ERGIC1: variants seen among roughly 807,000 people sequenced by gnomAD.
ERGIC1 encodes endoplasmic reticulum-Golgi intermediate compartment protein 1.
In ERGIC1, 19 loss-of-function variants were observed where a neutral mutation model predicts 38.3. That is an observed-to-expected ratio of 0.50 (90% CI 0.35 to 0.73). The LOEUF (loss-of-function observed/expected upper bound fraction) is 0.73. Among genes scored for constraint, ERGIC1 ranks in the 30% least tolerant of loss-of-function variants. The pLI is 0.01. For missense variants in ERGIC1, 294 were observed against 389.2 expected (o/e 0.76, Z 2.06); for synonymous variants, 124 against 157.6 (o/e 0.79, Z 1.60).
chr5:172,840,853 T>G (rs1761141386), intron 1 of ERGIC1, among the ~76,000 whole-genome samples: 1 of 152,244 alleles, frequency 6.6e-6, no homozygotes, highest in African/African-American at 2.4e-5. Context: ...GATTCATGTA[T>G]TCATTAAAAT....
intron 1 of ERGIC1, among the ~76,000 whole-genome samples, chr5:172,842,442 C>A (rs559147956): frequency 6.6e-6 from 1 of 152,150 alleles, no homozygotes; most frequent in Non-Finnish European, 1.5e-5. Context: ...TAGGTTGTTT[C>A]CACATCTTGG....
At chr5:172,940,892 C>T (rs116823125) in intron 9 of ERGIC1, among the ~76,000 whole-genome samples, 5 of 152,344 alleles carry the variant, frequency 3.3e-5, no homozygotes, top group South Asian at 2.1e-4. Context: ...ATGACCTCCG[C>T]GTCTGACTTA....
intron 1 of ERGIC1, among the ~76,000 whole-genome samples, chr5:172,836,422 G>A (rs1399832358): frequency 6.6e-6 from 1 of 152,186 alleles, no homozygotes; most frequent in African/African-American, 2.4e-5. Context: ...GTGTCAGGGG[G>A]CCCAGCTTAA....
Position 172,834,456 on chromosome 5 carries a change from G to A in ERGIC1, c.20+23G>A. The A allele has an allele frequency of 1.5e-6, 2 of 1,318,944 alleles. No individual in the cohort carries two copies. The highest frequency in any genetic ancestry group is 1.9e-6 in the Non-Finnish European group (2 of 1,030,674). The allele number at this position is 1,318,944 out of a possible 1,614,324, so 81.7% of individuals were successfully genotyped here. ...GAGGTGAGTGTGGCGACCCCGGCCAGTCGGGAGTTCCCTCAGCGGGCAGAG... is the reference window on the plus strand; with the variant it reads ...GAGGTGAGTGTGGCGACCCCGGCCAATCGGGAGTTCCCTCAGCGGGCAGAG... On this transcript the variant is annotated intron_variant, in intron 1 of 9. Transcript: ENST00000393784. The surrounding 1 kb of genome is among the most constrained non-coding windows in gnomAD (Gnocchi z 4.1).
intron 9 of ERGIC1, among the ~76,000 whole-genome samples, chr5:172,949,659 G>GC (rs1554114796): frequency 6.6e-6 from 1 of 151,832 alleles, no homozygotes; most frequent in Non-Finnish European, 1.5e-5. Context: ...GCGTGGCGGG[G>GC]GGGGGTATGA....
chr5:172,926,662 A>AG lies in ERGIC1; in HGVS notation c.541+94dup. On this transcript the variant is annotated intron_variant, in intron 7 of 9. Transcript: ENST00000393784. The surrounding 1 kb of genome is among the most constrained non-coding windows in gnomAD (Gnocchi z 5.2). ...GGCAGAGAGGTGGGGGTGCCTGTCCAGCACCCACTCCAAGGCAGGGAGGCT... is the reference window on the plus strand; with the variant it reads ...GGCAGAGAGGTGGGGGTGCCTGTCCAGGCACCCACTCCAAGGCAGGGAGGCT... 4 of 1,384,102 alleles carry AG rather than the reference A, an allele frequency of 2.9e-6. No individual in the cohort carries two copies. The highest frequency in any genetic ancestry group is 4.1e-6 in the Non-Finnish European group (4 of 985,014). 85.7% of individuals were successfully genotyped at this position (1,384,102 alleles called of 1,614,324 possible). A position where few individuals can be genotyped will look rare whatever the true frequency, so the allele number is the denominator to read the frequency against.
Position 172,903,989 on chromosome 5 carries a change from ATT to A in ERGIC1, c.156-5677_156-5676del, listed in dbSNP as rs386695020. 5.1e-3 allele frequency among the ~76,000 whole-genome samples: 767 copies of A among 151,366 alleles called. 10 individuals are homozygous for A. Among genetic ancestry groups the A allele is most frequent in the African/African-American group, 0.017 (707 of 40,976 alleles). ...CACATACACACACACACACACACAC[ATT>A]GACTCACACTAACATACACACACTC... On this transcript the variant is annotated intron_variant, in intron 3 of 9. Coordinates refer to ENST00000393784, the MANE Select transcript of ERGIC1 (RefSeq NM_001031711.3).
rs146049182 is a variant in ERGIC1 at position 172,889,369 on chromosome 5, G to T, written c.82+609G>T. ...ACTTTTCTCTTTATACCTTAAAAATGATTTGAGTTTTCCACCAAAGCATGT... is the reference window on the plus strand; with the variant it reads ...ACTTTTCTCTTTATACCTTAAAAATTATTTGAGTTTTCCACCAAAGCATGT... On this transcript the variant is annotated intron_variant, in intron 2 of 9. Coordinates refer to ENST00000393784, the MANE Select transcript of ERGIC1 (RefSeq NM_001031711.3). 4.1e-3 allele frequency among the ~76,000 whole-genome samples: 621 copies of T among 151,938 alleles called. 7 individuals are homozygous for T. The highest frequency in any genetic ancestry group is 0.015 in the African/African-American group (603 of 41,424).
At chr5:172,874,881 C>G (rs529543757) in intron 1 of ERGIC1, among the ~76,000 whole-genome samples, 2 of 148,504 alleles carry the variant, frequency 1.3e-5, no homozygotes, top group African/African-American at 5.0e-5. Context: ...GCCATGATCG[C>G]GCCACTGCAC....
At chr5:172,938,332 C>G (rs1213660363) in intron 9 of ERGIC1, among the ~76,000 whole-genome samples, 1 of 152,206 alleles carries the variant, frequency 6.6e-6, no homozygotes, top group Non-Finnish European at 1.5e-5. Context: ...GCCCTAGGGT[C>G]TGTACATTGA....
At position 172,926,386 on chromosome 5, in the gene ERGIC1, GC is replaced by G; in HGVS notation, c.481-118del. 1.0e-6 allele frequency: 1 copy of G among 1,003,266 alleles called. No individual in the cohort carries two copies. The highest frequency in any genetic ancestry group is 1.5e-6 in the Non-Finnish European group (1 of 653,968). The allele number at this position is 1,003,266 out of a possible 1,614,324, so 62.1% of individuals were successfully genotyped here. ...TCTTGCTCCCCACAAATCCGCTGGAGCCCCCTTTTACACATTGGTAGGGTTC... is the reference window on the plus strand; with the variant it reads ...TCTTGCTCCCCACAAATCCGCTGGAGCCCCTTTTACACATTGGTAGGGTTC... On this transcript the variant is annotated intron_variant, in intron 6 of 9. Coordinates refer to ENST00000393784, the MANE Select transcript of ERGIC1 (RefSeq NM_001031711.3). This position sits in a 1 kb window ranked among gnomAD's most constrained non-coding sequence, Gnocchi z 5.2.
chr5:172,877,376 T>A (rs1248101853), intron 1 of ERGIC1, among the ~76,000 whole-genome samples: 1 of 151,308 alleles, frequency 6.6e-6, no homozygotes, highest in Non-Finnish European at 1.5e-5. Context: ...GGTCTTGTAC[T>A]TTTTTCTCAA....
intron 1 of ERGIC1, among the ~76,000 whole-genome samples, chr5:172,881,224 A>G (rs1223488741): frequency 6.6e-6 from 1 of 152,118 alleles, no homozygotes; most frequent in Non-Finnish European, 1.5e-5. Flanking sequence ...TCCAGCCTGG[A>G]AAACAAGAGC....
At chr5:172,945,006 C>G (rs902789173) in intron 9 of ERGIC1, among the ~76,000 whole-genome samples, 1 of 152,208 alleles carries the variant, frequency 6.6e-6, no homozygotes, top group African/African-American at 2.4e-5. Flanking sequence ...TGGAACCCAC[C>G]CATTGGCTCC....
In ERGIC1 at chr5:172,924,059, C is replaced by A; in HGVS notation, c.430C>A (p.Pro144Thr). 1.9e-6 allele frequency: 3 copies of A among 1,614,226 alleles called. No individual in the cohort carries two copies. Among genetic ancestry groups the A allele is most frequent in the Non-Finnish European group, 2.5e-6 (3 of 1,180,048 alleles). Residue 144 changes from proline (P) to threonine (T), a missense_variant, in exon 6 of 10, where the codon CCA becomes ACA. Transcript: ENST00000393784. The stretch of plus-strand genomic sequence containing the variant: ...CAGTGCCACAGCCCAGCCACAGAAC[C>A]CAGACATGACGCATGTCATCCACAA... The part of the protein sequence containing the change: ...THSATAQPQN[P>T]DMTHVIHKLS...
Position 172,896,791 on chromosome 5 carries a change from G to A in ERGIC1, c.83-211G>A, listed in dbSNP as rs549614878. On this transcript the variant is annotated intron_variant, in intron 2 of 9. Transcript: ENST00000393784. ...CCAGGAGGATTGCTCATGTCGGCAG[G>A]TTGATCCACACCTGGAGGCCAGACC... 3.4e-3 allele frequency among the ~76,000 whole-genome samples: 519 copies of A among 152,330 alleles called. 2 individuals carry two copies. The highest frequency in any genetic ancestry group is 5.3e-3 in the Non-Finnish European group (360 of 68,022).
In ERGIC1 at chr5:172,837,477, G is replaced by C. The variant is rs377358696; in HGVS notation, c.20+3044G>C. Among the ~76,000 whole-genome samples, 5 of 152,158 alleles carry C rather than the reference G, an allele frequency of 3.3e-5. No homozygotes were observed. In the East Asian group the frequency reaches 9.6e-4, roughly 29 times the overall value. The stretch of plus-strand genomic sequence containing the variant: ...CTCCCATTAGTACATGAGCTCCTGA[G>C]GGCAAGAAGTTTTTATCAGGCTTCT... On this transcript the variant is annotated intron_variant, in intron 1 of 9. Transcript: ENST00000393784. The surrounding 1 kb of genome is among the most constrained non-coding windows in gnomAD (Gnocchi z 4.3).
chr5:172,897,376 C>T (rs982311704), intron 3 of ERGIC1, among the ~76,000 whole-genome samples: 3 of 150,188 alleles, frequency 2.0e-5, no homozygotes, highest in Admixed American at 2.0e-4. Context: ...TTGCAGTGAA[C>T]CAAGAGTGCG....
intron 5 of ERGIC1, chr5:172,915,887 CACTG>C: frequency 3.3e-6 from 1 of 300,496 alleles, no homozygotes; most frequent in Non-Finnish European, 6.8e-6. Flanking sequence ...GTTGCAAAGT[CACTG>C]GCCACATCCA....
Sources: allele counts gnomAD v4.1 joint callset (sites outside exome capture counted in the v4.1 genomes callset), GRCh38; gene constraint gnomAD v4.1.1; non-coding constraint Gnocchi (gnomAD v3.1); transcripts MANE v1.5; gene names NCBI Gene and HGNC (gene_info 2026-07-23, HGNC 2026-07-21).